The following SULF2 variants were observed in gnomAD, a reference collection of about 807,000 sequenced individuals.
The protein encoded by SULF2 is extracellular sulfatase Sulf-2.
A neutral mutation model predicts 107.7 loss-of-function variants in SULF2; 52 were observed. The ratio of observed to expected loss-of-function variants is 0.48; its 90% CI spans 0.39 to 0.61. The LOEUF is 0.61. Among genes scored for constraint, SULF2 ranks in the 20% least tolerant of loss-of-function variants. The probability of loss-of-function intolerance (pLI) is 0.00; values close to 1 mark genes in which losing one functional copy is unlikely to be tolerated. For missense variants in SULF2, 993 were observed against 1,177.3 expected (o/e 0.84, Z 2.29); for synonymous variants, 460 against 464.3 (o/e 0.99, Z 0.12).
chr20:47,776,998 T>C (rs1443715238), intron 1 of SULF2, among the ~76,000 whole-genome samples: 1 of 152,128 alleles, frequency 6.6e-6, no homozygotes. Context: ...TTACTGAGTA[T>C]CCAAAGAGTG....
At chr20:47,725,184 C>T (rs1047564408) in intron 3 of SULF2, among the ~76,000 whole-genome samples, 1 of 152,110 alleles carries the variant, frequency 6.6e-6, no homozygotes, top group Non-Finnish European at 1.5e-5. Context: ...GCACTGTCAT[C>T]GGGGATGGGA....
chr20:47,746,592 C>T (rs1275754464), intron 2 of SULF2, among the ~76,000 whole-genome samples: 1 of 152,156 alleles, frequency 6.6e-6, no homozygotes, highest in African/African-American at 2.4e-5. Flanking sequence ...ATAGCTCTGT[C>T]TCCAGCAGAG....
chr20:47,739,773 G>A (rs189547339), intron 2 of SULF2, among the ~76,000 whole-genome samples: 3 of 152,386 alleles, frequency 2.0e-5, no homozygotes, highest in African/African-American at 7.2e-5. Context: ...GTGCTCAACA[G>A]AGACCAGCTA....
At chr20:47,753,049 C>T (rs1172014816) in intron 2 of SULF2, among the ~76,000 whole-genome samples, 8 of 139,638 alleles carry the variant, frequency 5.7e-5, no homozygotes, top group South Asian at 2.3e-4. Flanking sequence ...TGCAGTGAGC[C>T]GAGATTGCGC....
In SULF2 at chr20:47,676,386, C is replaced by T. The variant is rs969267310; in HGVS notation, c.1380+108G>A. On this transcript the variant is annotated intron_variant, in intron 10 of 20. Transcript: ENST00000688720. ...CACCACACGGCAGCAAAGGACTACC[C>T]GTTGGGAGGCCCTGGCCCTGCTGGC... 6.2e-6 allele frequency: 8 copies of T among 1,283,842 alleles called. No homozygotes were observed. The African/African-American group carries it at 7.4e-5, about 12-fold the overall frequency. 79.5% of individuals were successfully genotyped at this position (1,283,842 alleles called of 1,614,324 possible).
At chr20:47,728,141 C>G (rs1016815347) in intron 3 of SULF2, among the ~76,000 whole-genome samples, 1 of 152,152 alleles carries the variant, frequency 6.6e-6, no homozygotes, top group Admixed American at 6.5e-5. Flanking sequence ...CTGCTGTCCC[C>G]CCACAGGCCG....
intron 1 of SULF2, among the ~76,000 whole-genome samples, chr20:47,762,028 G>A (rs910731874): frequency 6.6e-6 from 1 of 152,208 alleles, no homozygotes; most frequent in Non-Finnish European, 1.5e-5. Flanking sequence ...CATAAGACGT[G>A]CCTTTCACCT....
rs547556787 is a variant in SULF2, at chr20:47,760,652, G to C, written c.-100-3189C>G. The stretch of plus-strand genomic sequence containing the variant: ...GGGACCTGTATCCTATGTCAGGCTG[G>C]CCAGGACAGCAAGTCTCCCTTCTAG... On this transcript the variant is annotated intron_variant, in intron 1 of 20. Coordinates refer to ENST00000688720, the MANE Select transcript of SULF2 (RefSeq NM_001387048.1). Among the ~76,000 whole-genome samples the C allele has an allele frequency of 2.6e-5, 4 of 152,222 alleles. No individual in the cohort carries two copies. In the South Asian group the frequency reaches 8.3e-4, roughly 32 times the overall value.
chr20:47,775,143 T>G (rs1183061239), intron 1 of SULF2, among the ~76,000 whole-genome samples: 1 of 152,144 alleles, frequency 6.6e-6, no homozygotes, highest in Non-Finnish European at 1.5e-5. Flanking sequence ...CCCCACCTCA[T>G]GAAACCGGGC....
chr20:47,693,424 T>G (rs2088270096), intron 4 of SULF2, among the ~76,000 whole-genome samples: 1 of 152,198 alleles, frequency 6.6e-6, no homozygotes, highest in African/African-American at 2.4e-5. Context: ...TACTTCATCT[T>G]AGAACTATAT....
At chr20:47,764,529 C>T (rs561783897) in intron 1 of SULF2, among the ~76,000 whole-genome samples, 17 of 152,174 alleles carry the variant, frequency 1.1e-4, no homozygotes, top group Non-Finnish European at 2.4e-4. Flanking sequence ...CTAGCTTCAG[C>T]GATTGGTCCT....
intron 1 of SULF2, among the ~76,000 whole-genome samples, chr20:47,758,511 G>A (rs8122163): frequency 0.013 from 1,977 of 152,236 alleles, 44 homozygotes; most frequent in African/African-American, 0.045. Flanking sequence ...TGACAATAGA[G>A]AAAATTGAGC....
chr20:47,680,597 A>G lies in SULF2; in HGVS notation c.1065-1793T>C, dbSNP rs1476680356. Among the ~76,000 whole-genome samples, 1 of 152,170 alleles carries G rather than the reference A, an allele frequency of 6.6e-6. No individual in the cohort carries two copies. Among genetic ancestry groups the G allele is most frequent in the Non-Finnish European group, 1.5e-5 (1 of 68,020 alleles). ...CATCTTTAACCCCTCATCTCTCCCC[A>G]GTCCAGTGCCCTGTGAACGTCGGGC... On this transcript the variant is annotated intron_variant, in intron 7 of 20. Transcript: ENST00000688720. This position sits in a 1 kb window ranked among gnomAD's most constrained non-coding sequence, Gnocchi z 4.2.
intron 3 of SULF2, among the ~76,000 whole-genome samples, chr20:47,723,051 A>C (rs2089337871): frequency 6.6e-6 from 1 of 152,060 alleles, no homozygotes; most frequent in Non-Finnish European, 1.5e-5. Context: ...TGGGCGACAG[A>C]GCAAGACTCC....
rs367862608 is a variant in SULF2, at chr20:47,702,494, C to T, written c.567+25G>A. On this transcript the variant is annotated intron_variant, in intron 4 of 20. Coordinates refer to ENST00000688720, the MANE Select transcript of SULF2 (RefSeq NM_001387048.1). ...TAACTGCTGGGCCACACAGCCACTC[C>T]CAGGCTGGAAAGGTTGCAGCTTACC... 19 of 1,606,250 alleles carry T rather than the reference C, an allele frequency of 1.2e-5. No individual in the cohort carries two copies. The African/African-American group carries it at 2.4e-4, about 20-fold the overall frequency.
intron 3 of SULF2, among the ~76,000 whole-genome samples, chr20:47,719,663 A>T (rs1407595008): frequency 6.6e-6 from 1 of 152,278 alleles, no homozygotes; most frequent in Non-Finnish European, 1.5e-5. Flanking sequence ...TATCTGTGGC[A>T]CAAATCCAGT....
rs1363173647 is a variant in SULF2, at chr20:47,774,484, G to A, written c.-101+10859C>T. ...CCTATCTTCTGGAGGGGGATATTGAGGCATGGCAGGGGTTCTAGGAGTTGA... is the reference window on the plus strand; with the variant it reads ...CCTATCTTCTGGAGGGGGATATTGAAGCATGGCAGGGGTTCTAGGAGTTGA... On this transcript the variant is annotated intron_variant, in intron 1 of 20. Transcript: ENST00000688720. Among the ~76,000 whole-genome samples, 7 of 152,178 alleles carry A rather than the reference G, an allele frequency of 4.6e-5. No homozygotes were observed. In the East Asian group the frequency reaches 1.3e-3, roughly 29 times the overall value.
At chr20:47,765,308 C>T (rs116801709) in intron 1 of SULF2, among the ~76,000 whole-genome samples, 1 of 150,314 alleles carries the variant, frequency 6.7e-6, no homozygotes, top group East Asian at 2.0e-4. Context: ...GAGCCGAGAT[C>T]GAGCCACTGT....
At chr20:47,687,150 A>T (rs941638852) in intron 5 of SULF2, among the ~76,000 whole-genome samples, 1 of 152,218 alleles carries the variant, frequency 6.6e-6, no homozygotes, top group African/African-American at 2.4e-5. Flanking sequence ...GCCCTCGAGA[A>T]CAGTGAGGGG....
Sources: allele counts gnomAD v4.1 joint callset (sites outside exome capture counted in the v4.1 genomes callset), GRCh38; gene constraint gnomAD v4.1.1; non-coding constraint Gnocchi (gnomAD v3.1); transcripts MANE v1.5; gene names NCBI Gene and HGNC (gene_info 2026-07-23, HGNC 2026-07-21).